SLC35A1: variants seen among roughly 807,000 people sequenced by gnomAD.
SLC35A1 encodes CMP-sialic acid transporter.
In SLC35A1, 21 loss-of-function variants were observed where a neutral mutation model predicts 40.3. The ratio of observed to expected loss-of-function variants is 0.52; its 90% CI spans 0.37 to 0.75. The LOEUF (loss-of-function observed/expected upper bound fraction) is 0.75. Ranked by LOEUF, SLC35A1 falls within the 30% of genes least tolerant of loss-of-function variation. The probability of loss-of-function intolerance (pLI) is 0.00; values close to 1 mark genes in which losing one functional copy is unlikely to be tolerated. For synonymous variants in SLC35A1, 146 were observed against 147.3 expected (o/e 0.99, Z 0.06); for missense variants, 297 against 382.1 (o/e 0.78, Z 1.86).
intron 2 of SLC35A1, among the ~76,000 whole-genome samples, chr6:87,496,421 T>C (rs1025935937): frequency 5.3e-5 from 8 of 152,226 alleles, no homozygotes; most frequent in African/African-American, 1.9e-4. Context: ...GTGTCATTTA[T>C]ATAATTAATA....
rs1348113667 is a variant in SLC35A1, at chr6:87,508,509, T to C, written c.664T>C (p.Leu222=). The change falls in exon 6 of 8, where the codon TTA becomes CTA. Residue 222 remains leucine, a synonymous_variant. Transcript: ENST00000369552. The part of the protein sequence containing the change: ...QMYLSGIIVT[L]AGVYLSDGAE... ...GTATCTATCAGGGATTATTGTGACATTAGCTGGCGTCTACTTGTCAGATGG... is the reference window on the plus strand; with the variant it reads ...GTATCTATCAGGGATTATTGTGACACTAGCTGGCGTCTACTTGTCAGATGG... 3 of 1,612,650 alleles carry C rather than the reference T, an allele frequency of 1.9e-6. No homozygotes were observed. The Admixed American group carries it at 5.0e-5, about 27-fold the overall frequency.
In SLC35A1 at chr6:87,511,712, G is replaced by A. The variant is rs1404503338; in HGVS notation, c.*186G>A. 1 of 656,884 alleles carries A rather than the reference G, an allele frequency of 1.5e-6. No individual in the cohort carries two copies. The highest frequency in any genetic ancestry group is 2.7e-6 in the Non-Finnish European group (1 of 365,166). 40.7% of individuals were successfully genotyped at this position (656,884 alleles called of 1,614,324 possible). A position where few individuals can be genotyped will look rare whatever the true frequency, so the allele number is the denominator to read the frequency against. The stretch of plus-strand genomic sequence containing the variant: ...TGAACTGCTAATACAGAAACTTAAT[G>A]TAGACCTGTTTGGGGTCTACTATTG... On this transcript the variant is annotated 3_prime_UTR_variant, in exon 8 of 8. Coordinates refer to ENST00000369552, the MANE Select transcript of SLC35A1 (RefSeq NM_006416.5).
chr6:87,483,433 C>G (rs1769301308), intron 2 of SLC35A1, among the ~76,000 whole-genome samples: 1 of 152,048 alleles, frequency 6.6e-6, no homozygotes, highest in Non-Finnish European at 1.5e-5. Context: ...GTTCAGCCCC[C>G]CACAATGGGG....
At chr6:87,510,970 TTGAA>T (rs1770247552) in intron 7 of SLC35A1, among the ~76,000 whole-genome samples, 1 of 151,538 alleles carries the variant, frequency 6.6e-6, no homozygotes, top group Admixed American at 6.6e-5. Flanking sequence ...TATCAATGGT[TTGAA>T]TGATTGGTCA....
chr6:87,494,525 C>A (rs1399988663), intron 2 of SLC35A1, among the ~76,000 whole-genome samples: 1 of 151,300 alleles, frequency 6.6e-6, no homozygotes, highest in East Asian at 1.9e-4. Flanking sequence ...TGGGTTCATG[C>A]CATTCTTCTG....
In SLC35A1 at chr6:87,500,419, T is replaced by C. The variant is rs1769882581; in HGVS notation, c.195-89T>C. On this transcript the variant is annotated intron_variant, in intron 2 of 7. Coordinates refer to ENST00000369552, the MANE Select transcript of SLC35A1 (RefSeq NM_006416.5). The stretch of plus-strand genomic sequence containing the variant: ...CTAAATTACAGCAAGCATAGTATGC[T>C]TGTCCTGTGTTTGAAGAAGTCTTAT... 3.1e-6 allele frequency: 4 copies of C among 1,300,662 alleles called. No individual in the cohort carries two copies. The Admixed American group carries it at 6.8e-5, about 22-fold the overall frequency. 80.6% of individuals were successfully genotyped at this position (1,300,662 alleles called of 1,614,324 possible).
At chr6:87,492,956 C>T (rs11961492) in intron 2 of SLC35A1, among the ~76,000 whole-genome samples, 2,647 of 152,238 alleles carry the variant, frequency 0.017, 72 homozygotes, top group African/African-American at 0.058. Flanking sequence ...TACTTTGAGA[C>T]GAGATAAATA....
intron 2 of SLC35A1, among the ~76,000 whole-genome samples, chr6:87,498,635 G>A (rs1411894992): frequency 6.6e-6 from 1 of 152,072 alleles, no homozygotes; most frequent in Non-Finnish European, 1.5e-5. Flanking sequence ...GCCGGGCGTA[G>A]TGGCCTGTGC....
chr6:87,472,991 CT>C lies in SLC35A1; in HGVS notation c.-12del. On this transcript the variant is annotated 5_prime_UTR_variant, in exon 1 of 8. Transcript: ENST00000369552. ...GGGCGGGCGTCAGTTCCGCGGGGGGCTGTCGGGGAACCATGGCTGCCCCGAG... is the reference window on the plus strand; with the variant it reads ...GGGCGGGCGTCAGTTCCGCGGGGGGCGTCGGGGAACCATGGCTGCCCCGAG... 3.0e-6 allele frequency: 2 copies of C among 669,170 alleles called. No homozygotes were observed. The highest frequency in any genetic ancestry group is 4.6e-6 in the Non-Finnish European group (2 of 436,936). The allele number at this position is 669,170 out of a possible 1,614,324, so 41.5% of individuals were successfully genotyped here.
At chr6:87,506,693 C>T (rs553168186) in intron 5 of SLC35A1, among the ~76,000 whole-genome samples, 4 of 152,068 alleles carry the variant, frequency 2.6e-5, no homozygotes, top group Non-Finnish European at 4.4e-5. Context: ...CATCTCAGTC[C>T]GGCCAAAAAC....
rs537753783 is a variant in SLC35A1 at position 87,504,730 on chromosome 6, G to A, written c.508-1652G>A. ...TGTCAGAATCAAGTCCAGATAAGCT[G>A]TTTCCATCACTATTTTTCCTAACTG... On this transcript the variant is annotated intron_variant, in intron 4 of 7. Transcript: ENST00000369552. Among the ~76,000 whole-genome samples the A allele has an allele frequency of 1.0e-3, 154 of 152,248 alleles. No individual in the cohort carries two copies. In the Middle Eastern group the frequency reaches 0.014, roughly 13 times the overall value.
chr6:87,472,984 CGG>C lies in SLC35A1; in HGVS notation c.-15_-14del. 1 of 665,090 alleles carries C rather than the reference CGG, an allele frequency of 1.5e-6. No individual in the cohort carries two copies. Among genetic ancestry groups the C allele is most frequent in the Non-Finnish European group, 2.3e-6 (1 of 431,482 alleles). The allele number at this position is 665,090 out of a possible 1,614,324, so 41.2% of individuals were successfully genotyped here. On this transcript the variant is annotated 5_prime_UTR_variant, in exon 1 of 8. Transcript: ENST00000369552. ...GCGGAGGGGGCGGGCGTCAGTTCCG[CGG>C]GGGGCTGTCGGGGAACCATGGCTGC...
chr6:87,505,608 G>A (rs140327234), intron 4 of SLC35A1, among the ~76,000 whole-genome samples: 2 of 152,296 alleles, frequency 1.3e-5, no homozygotes, highest in East Asian at 3.9e-4. Context: ...CTGGAGGCTG[G>A]GAAGTCCAGA....
In SLC35A1 at chr6:87,480,837, G is replaced by GAGA. The variant is rs537028000; in HGVS notation, c.194+3299_194+3300insGAA. ...TCCAGGAACAATGGTCCATGATTCT[G>GAGA]ATGGTAATGGTGCTTGCTTGACTCG... On this transcript the variant is annotated intron_variant, in intron 2 of 7. Transcript: ENST00000369552. 1.6e-4 allele frequency among the ~76,000 whole-genome samples: 25 copies of GAGA among 152,288 alleles called. 1 individual carries two copies. The South Asian group carries it at 5.2e-3, about 32-fold the overall frequency.
Position 87,511,471 on chromosome 6 carries a change from C to T in SLC35A1, c.959C>T (p.Thr320Ile), listed in dbSNP as rs1408416223. Residue 320 changes from threonine to isoleucine, a missense_variant, in exon 8 of 8, where the codon ACT becomes ATT. Thr to Ile is a moderately conservative substitution (Grantham distance 89). Coordinates refer to ENST00000369552, the MANE Select transcript of SLC35A1 (RefSeq NM_006416.5). ...CTCTATGGATTACCCAGACAAGACA[C>T]TACATCCATCCAACAAGGAGAAACA... ...IYLYGLPRQD[T>I]TSIQQGETAS... 6.2e-7 allele frequency: 1 copy of T among 1,613,776 alleles called. No individual in the cohort carries two copies.
chr6:87,499,835 G>A (rs1769863596), intron 2 of SLC35A1, among the ~76,000 whole-genome samples: 1 of 152,082 alleles, frequency 6.6e-6, no homozygotes, highest in South Asian at 2.1e-4. Context: ...TTAAAAATAG[G>A]CCAGGTGCAG....
chr6:87,497,399 T>A (rs1769762150), intron 2 of SLC35A1, among the ~76,000 whole-genome samples: 1 of 152,124 alleles, frequency 6.6e-6, no homozygotes, highest in Non-Finnish European at 1.5e-5. Flanking sequence ...ACAAAAAGGA[T>A]ATGGCCAAAA....
intron 2 of SLC35A1, among the ~76,000 whole-genome samples, chr6:87,485,776 A>AT (rs1201660046): frequency 1.3e-5 from 2 of 152,062 alleles, no homozygotes; most frequent in Non-Finnish European, 2.9e-5. Context: ...GAAAAAAAAA[A>AT]ATTAGAAGAA....
rs1314327834 is a variant in SLC35A1 at position 87,501,231 on chromosome 6, T to C, written c.428T>C (p.Leu143Ser). 6.2e-7 allele frequency: 1 copy of C among 1,613,998 alleles called. No individual in the cohort carries two copies. The highest frequency in any genetic ancestry group is 8.5e-7 in the Non-Finnish European group (1 of 1,180,000). Residue 143 changes from leucine (L) to serine (S), a missense_variant, in exon 4 of 8, where the codon TTA (leucine) becomes TCA (serine). Physicochemically the swap from Leu to Ser is moderately radical, Grantham distance 145. Transcript: ENST00000369552. ...ATGTTAAACCGGACACTCAGCAAAT[T>C]ACAGTGGGTTTCAGTTTTTATGCTG... ...VLMLNRTLSK[L>S]QWVSVFMLCA...
Sources: allele counts gnomAD v4.1 joint callset (sites outside exome capture counted in the v4.1 genomes callset), GRCh38; gene constraint gnomAD v4.1.1; transcripts MANE v1.5; gene names NCBI Gene and HGNC (gene_info 2026-07-23, HGNC 2026-07-21).